Variants in APH1B observed in about 807,000 individuals in gnomAD.
APH1B encodes the protein aph-1B gamma-secretase subunit, also known as gamma-secretase subunit APH-1B.
In APH1B, 27 loss-of-function variants were observed where a neutral mutation model predicts 28.2. The observed-to-expected ratio is 0.96, with a 90% CI of 0.70 to 1.32. The LOEUF (loss-of-function observed/expected upper bound fraction) is 1.32, where lower values mean the gene tolerates loss of function less well. Ranked by LOEUF, APH1B falls within the 40% of genes most tolerant of loss-of-function variation. APH1B has a pLI of 0.00. For synonymous variants in APH1B, 141 were observed against 124.6 expected, an observed-to-expected ratio of 1.13 and a Z score of -0.88; for missense variants, 305 against 313.6, an observed-to-expected ratio of 0.97 and a Z score of 0.21.
Position 63,286,583 on chromosome 15 carries a change from A to G in APH1B, c.310A>G (p.Ile104Val), listed in dbSNP as rs1214986980. 3.1e-6 allele frequency: 5 copies of G among 1,606,572 alleles called. No individual in the cohort carries two copies. Among genetic ancestry groups the G allele is most frequent in the Non-Finnish European group, 4.2e-6 (5 of 1,177,378 alleles). ...AAAAGCCAGTGAAGGTTTGAAGAGT[A>G]TAAACCCAGGTGAGACAGCACCCTC... Reference protein sequence around the residue: ...LKKASEGLKSINPGETAPSMR... With the variant: ...LKKASEGLKSVNPGETAPSMR... The change falls in exon 3 of 6, where the codon ATA becomes GTA. Residue 104 changes from isoleucine (I) to valine (V), a missense_variant. By Grantham distance (29) the Ile-to-Val change is conservative. Transcript: ENST00000261879.
intron 3 of APH1B, 196 bp from the exon 4 acceptor site, chr15:63,287,228 T>G: frequency 1.6e-6 from 1 of 624,020 alleles, no homozygotes; most frequent in Admixed American, 2.9e-5. Flanking sequence ...GCCATTCATT[T>G]CCTTTCCTCT....
At chr15:63,277,957 G>A (rs2038343248) in intron 1 of APH1B, 1 of 572,340 alleles carries the variant, frequency 1.7e-6, no homozygotes, top group Non-Finnish European at 3.1e-6. Flanking sequence ...GGGGCTCATG[G>A]GTGGGGTTTA....
At chr15:63,281,971 T>C (rs1332839839) in intron 2 of APH1B, among the ~76,000 whole-genome samples, 1 of 152,130 alleles carries the variant, frequency 6.6e-6, no homozygotes, top group Non-Finnish European at 1.5e-5. Context: ...CCTTTGGAAA[T>C]TTGCAAATGG....
intron 4 of APH1B, among the ~76,000 whole-genome samples, chr15:63,294,491 C>T (rs552179843): frequency 6.6e-6 from 1 of 152,316 alleles, no homozygotes; most frequent in East Asian, 1.9e-4. Flanking sequence ...TCACTTTTCC[C>T]CCTTTCCACA....
chr15:63,290,232 A>C (rs945401093), intron 4 of APH1B, among the ~76,000 whole-genome samples: 1 of 152,220 alleles, frequency 6.6e-6, no homozygotes, highest in Non-Finnish European at 1.5e-5. Context: ...TGTTACAAAC[A>C]GGCATAGTTT....
chr15:63,283,595 G>A (rs2038412798), intron 2 of APH1B, among the ~76,000 whole-genome samples: 1 of 152,126 alleles, frequency 6.6e-6, no homozygotes, highest in African/African-American at 2.4e-5. Flanking sequence ...GTAGATATAA[G>A]TCCTTTTTCA....
In APH1B at chr15:63,308,480, G is replaced by T. The variant is rs2038709682; in HGVS notation, c.*2699G>T. ...ATATCTGCAGACTGCGTAGAAAATG[G>T]CTTTTGTTCCCAGCGTTAACATTTT... On this transcript the variant is annotated 3_prime_UTR_variant, in exon 6 of 6. Transcript: ENST00000261879. 1 of 152,190 alleles carries T rather than the reference G, an allele frequency of 6.6e-6. No individual in the cohort carries two copies. Among genetic ancestry groups the T allele is most frequent in the Non-Finnish European group, 1.5e-5 (1 of 68,034 alleles). 9.4% of individuals were successfully genotyped at this position (152,190 alleles called of 1,614,324 possible). A position where few individuals can be genotyped will look rare whatever the true frequency, so the allele number is the denominator to read the frequency against.
At position 63,307,901 on chromosome 15, in the gene APH1B, A is replaced by T. The variant is rs75081483; in HGVS notation, c.*2120A>T. ...GGTGAGACTGTTGTCTTAGTTCAGGAAATTATTTAATAATCCTTTGTTACC... is the reference window on the plus strand; with the variant it reads ...GGTGAGACTGTTGTCTTAGTTCAGGTAATTATTTAATAATCCTTTGTTACC... On this transcript the variant is annotated 3_prime_UTR_variant, in exon 6 of 6. Transcript: ENST00000261879. 2 of 152,318 alleles carry T rather than the reference A, an allele frequency of 1.3e-5. No homozygotes were observed. The highest frequency in any genetic ancestry group is 3.9e-4 in the East Asian group (2 of 5,192). The allele number at this position is 152,318 out of a possible 1,614,324, so 9.4% of individuals were successfully genotyped here.
chr15:63,308,323 T>C lies in APH1B; in HGVS notation c.*2542T>C, dbSNP rs1291667221. 6.6e-6 allele frequency: 1 copy of C among 152,214 alleles called. No homozygotes were observed. Among genetic ancestry groups the C allele is most frequent in the Non-Finnish European group, 1.5e-5 (1 of 68,036 alleles). 9.4% of individuals were successfully genotyped at this position (152,214 alleles called of 1,614,324 possible). ...TAGTATAAGCTATATTTATTTTTGA[T>C]TCATTTGAATTACTAGTTATAACTG... On this transcript the variant is annotated 3_prime_UTR_variant, in exon 6 of 6. Coordinates refer to ENST00000261879, the MANE Select transcript of APH1B (RefSeq NM_031301.4).
intron 4 of APH1B, among the ~76,000 whole-genome samples, chr15:63,292,743 T>C (rs1392419860): frequency 6.6e-6 from 1 of 152,236 alleles, no homozygotes; most frequent in Non-Finnish European, 1.5e-5. Context: ...CTCAAATAAC[T>C]GAGAATAGAA....
chr15:63,286,201 A>G (rs1175630936), intron 2 of APH1B, among the ~76,000 whole-genome samples: 1 of 152,232 alleles, frequency 6.6e-6, no homozygotes, highest in Non-Finnish European at 1.5e-5. Context: ...GGGGAAAAAA[A>G]TCAGAGTGGT....
In APH1B at chr15:63,305,913, C is replaced by A. The variant is rs1435789813; in HGVS notation, c.*132C>A. On this transcript the variant is annotated 3_prime_UTR_variant, in exon 6 of 6. Coordinates refer to ENST00000261879, the MANE Select transcript of APH1B (RefSeq NM_031301.4). ...AAACTATGCAGATATGCGTTCCATT[C>A]ACTTGGCTTTCACACAACTGCTCTC... 8.1e-7 allele frequency: 1 copy of A among 1,234,134 alleles called. No individual in the cohort carries two copies. Among genetic ancestry groups the A allele is most frequent in the Non-Finnish European group, 1.1e-6 (1 of 912,424 alleles). 76.4% of individuals were successfully genotyped at this position (1,234,134 alleles called of 1,614,324 possible).
rs200980455 is a variant in APH1B at position 63,302,359 on chromosome 15, G to C, written c.493G>C (p.Val165Leu). The change falls in exon 5 of 6, where the codon GTC becomes CTC. Residue 165 changes from valine to leucine, a missense_variant. Physicochemically the swap from Val to Leu is conservative, Grantham distance 32 (BLOSUM62 1). Transcript: ENST00000261879. ...CTCTCTTTCAGCTTTCATGACGCTG[G>C]TCATTATCTTGCTGCATGTATTCTG... ...FFLYSAFMTLVIILLHVFWGI... is the reference protein window; with the variant it reads ...FFLYSAFMTLLIILLHVFWGI... 230 of 1,613,830 alleles carry C rather than the reference G, an allele frequency of 1.4e-4. 1 individual carries two copies. The highest frequency in any genetic ancestry group is 1.8e-4 in the Non-Finnish European group (214 of 1,179,946).
intron 4 of APH1B, among the ~76,000 whole-genome samples, chr15:63,299,334 C>G (rs760421785): frequency 7.2e-5 from 11 of 152,200 alleles, no homozygotes; most frequent in Non-Finnish European, 1.6e-4. Context: ...GCCTAAAACT[C>G]ACAGTAATGC....
rs899728574 is a variant in APH1B at position 63,308,315 on chromosome 15, A to G, written c.*2534A>G. 6.6e-6 allele frequency: 1 copy of G among 152,142 alleles called. No individual in the cohort carries two copies. Among genetic ancestry groups the G allele is most frequent in the Admixed American group, 6.5e-5 (1 of 15,272 alleles). The allele number at this position is 152,142 out of a possible 1,614,324, so 9.4% of individuals were successfully genotyped here. On this transcript the variant is annotated 3_prime_UTR_variant, in exon 6 of 6. Coordinates refer to ENST00000261879, the MANE Select transcript of APH1B (RefSeq NM_031301.4). ...TTGCTCTCTAGTATAAGCTATATTT[A>G]TTTTTGATTCATTTGAATTACTAGT...
chr15:63,284,258 G>C (rs2038422556), intron 2 of APH1B, among the ~76,000 whole-genome samples: 1 of 147,848 alleles, frequency 6.8e-6, no homozygotes, highest in Middle Eastern at 3.3e-3. Flanking sequence ...CTGTTGCCCA[G>C]GCTAGAGTGC....
At chr15:63,279,834 G>A (rs545022667) in intron 2 of APH1B, among the ~76,000 whole-genome samples, 1 of 136,990 alleles carries the variant, frequency 7.3e-6, no homozygotes, top group East Asian at 2.0e-4. Context: ...TTTCGCTCCT[G>A]TTGCCCAGGC....
Position 63,307,387 on chromosome 15 carries a change from G to C in APH1B, c.*1606G>C, listed in dbSNP as rs2038697326. ...TTAGAGATAAAATAGAGATAATAGAGATAAAAGAAGAGGAGGGCTTCTATC... is the reference window on the plus strand; with the variant it reads ...TTAGAGATAAAATAGAGATAATAGACATAAAAGAAGAGGAGGGCTTCTATC... On this transcript the variant is annotated 3_prime_UTR_variant, in exon 6 of 6. Coordinates refer to ENST00000261879, the MANE Select transcript of APH1B (RefSeq NM_031301.4). The C allele has an allele frequency of 6.6e-6, 1 of 152,114 alleles. No individual in the cohort carries two copies. Among genetic ancestry groups the C allele is most frequent in the Admixed American group, 6.6e-5 (1 of 15,256 alleles). 9.4% of individuals were successfully genotyped at this position (152,114 alleles called of 1,614,324 possible).
intron 5 of APH1B, among the ~76,000 whole-genome samples, chr15:63,305,343 A>G (rs1223886240): frequency 6.6e-6 from 1 of 152,216 alleles, no homozygotes; most frequent in Non-Finnish European, 1.5e-5. Flanking sequence ...GTTACACGAC[A>G]TGCATCTTGT....
Sources: allele counts gnomAD v4.1 joint callset (sites outside exome capture counted in the v4.1 genomes callset), GRCh38; gene constraint gnomAD v4.1.1; transcripts MANE v1.5; gene names NCBI Gene and HGNC (gene_info 2026-07-23, HGNC 2026-07-21).